The following VRTN variants were observed in gnomAD, a reference collection of about 807,000 sequenced individuals.
VRTN encodes the protein vertebrae development associated.
VRTN carries 5 observed loss-of-function variants against 18.2 expected under a neutral mutation model. The ratio of observed to expected loss-of-function variants is 0.27; its 90% CI spans 0.14 to 0.58. The LOEUF is 0.58. Among genes scored for constraint, VRTN ranks in the 20% least tolerant of loss-of-function variants. VRTN has a pLI of 0.91. For missense variants in VRTN, 741 were observed against 939.4 expected, an observed-to-expected ratio of 0.79 and a Z score of 2.76; for synonymous variants, 381 against 393.7, an observed-to-expected ratio of 0.97 and a Z score of 0.38.
intron 1 of VRTN, among the ~76,000 whole-genome samples, chr14:74,318,032 T>C (rs985991232): frequency 1.7e-4 from 26 of 152,068 alleles, no homozygotes; most frequent in Non-Finnish European, 2.6e-4. Context: ...GGCAAGAGGA[T>C]TGCTTGAGCC....
intron 1 of VRTN, among the ~76,000 whole-genome samples, chr14:74,334,488 C>G (rs1261967478): frequency 6.6e-6 from 1 of 152,116 alleles, no homozygotes; most frequent in South Asian, 2.1e-4. Flanking sequence ...TGAGATTGCA[C>G]CACTGCACTC....
chr14:74,358,928 C>T lies in VRTN; in HGVS notation c.*36C>T. The T allele has an allele frequency of 6.3e-7, 1 of 1,575,520 alleles. No homozygotes were observed. Among genetic ancestry groups the T allele is most frequent in the Non-Finnish European group, 8.6e-7 (1 of 1,160,158 alleles). On this transcript the variant is annotated 3_prime_UTR_variant, in exon 2 of 2. Transcript: ENST00000256362. The surrounding 1 kb of genome is among the most constrained non-coding windows in gnomAD (Gnocchi z 5.4). ...CAAAAGGGGCTGGGAAGAAGGGGGA[C>T]CAGTTTGGAGAGGGTCAGGGACCTG...
At chr14:74,339,243 TG>T (rs2085584882) in intron 2 of VRTN, among the ~76,000 whole-genome samples, 1 of 152,142 alleles carries the variant, frequency 6.6e-6, no homozygotes. Context: ...ATCATTTCAT[TG>T]GCCCTGTAAA....
chr14:74,304,985 C>T lies in VRTN; in HGVS notation c.-164+1809C>T, dbSNP rs992639887. On this transcript the variant is annotated intron_variant, in intron 1 of 2. Coordinates refer to the VRTN transcript ENST00000557177. ...CTCAAAAATGTCCTAGTTTGGTATT[C>T]GGTGGCATTACTGTCCCAGGGTGCC... 7.2e-5 allele frequency among the ~76,000 whole-genome samples: 11 copies of T among 152,068 alleles called. No individual in the cohort carries two copies. The East Asian group carries it at 1.2e-3, about 16-fold the overall frequency.
At chr14:74,322,510 G>A (rs889299365) in intron 1 of VRTN, among the ~76,000 whole-genome samples, 17 of 151,946 alleles carry the variant, frequency 1.1e-4, no homozygotes, top group African/African-American at 2.9e-4. Context: ...ATCTATTATC[G>A]TTTGTTCTCC....
At chr14:74,325,159 C>G (rs1313403978) in intron 1 of VRTN, among the ~76,000 whole-genome samples, 3 of 151,976 alleles carry the variant, frequency 2.0e-5, no homozygotes, top group Non-Finnish European at 4.4e-5. Flanking sequence ...GTGCACTGGT[C>G]AAGGCAAGGG....
At chr14:74,351,150 C>T (rs1250935712) in intron 1 of VRTN, among the ~76,000 whole-genome samples, 1 of 152,176 alleles carries the variant, frequency 6.6e-6, no homozygotes, top group Non-Finnish European at 1.5e-5. Context: ...AACCCAACGT[C>T]TTGCTTGTTG....
intron 1 of VRTN, among the ~76,000 whole-genome samples, chr14:74,336,732 C>T (rs1258980488): frequency 6.6e-6 from 1 of 152,058 alleles, no homozygotes; most frequent in Non-Finnish European, 1.5e-5. Context: ...GAGATCGTGC[C>T]ATTGCACTCC....
intron 1 of VRTN, among the ~76,000 whole-genome samples, chr14:74,332,210 A>C (rs1277538048): frequency 2.0e-5 from 3 of 151,960 alleles, no homozygotes; most frequent in African/African-American, 7.3e-5. Context: ...ACTCACTCCC[A>C]ATCCCAAAGC....
At chr14:74,305,070 G>A (rs1201562137) in intron 1 of VRTN, among the ~76,000 whole-genome samples, 1 of 152,020 alleles carries the variant, frequency 6.6e-6, no homozygotes, top group African/African-American at 2.4e-5. Context: ...GGTGGCTCAC[G>A]CCTGTAATCC....
At chr14:74,351,622 C>G (rs529356696) in intron 1 of VRTN, among the ~76,000 whole-genome samples, 2 of 150,004 alleles carry the variant, frequency 1.3e-5, no homozygotes, top group South Asian at 4.3e-4. Flanking sequence ...GCTGGGACTA[C>G]AGGCACATGC....
chr14:74,330,658 C>T (rs2085515864), intron 1 of VRTN, among the ~76,000 whole-genome samples: 1 of 151,706 alleles, frequency 6.6e-6, no homozygotes, highest in South Asian at 2.1e-4. Context: ...TCAGGCTGGT[C>T]TTGAACTCCT....
intron 1 of VRTN, among the ~76,000 whole-genome samples, chr14:74,322,811 T>C (rs979332894): frequency 1.3e-5 from 2 of 152,118 alleles, no homozygotes; most frequent in Non-Finnish European, 2.9e-5. Context: ...GTCAGGAGTT[T>C]TATGGATGGA....
intron 1 of VRTN, among the ~76,000 whole-genome samples, chr14:74,311,411 G>A (rs2085387835): frequency 6.6e-6 from 1 of 150,866 alleles, no homozygotes; most frequent in South Asian, 2.1e-4. Flanking sequence ...CTGCCTTGCA[G>A]CTTGCATTTT....
At chr14:74,308,731 C>T (rs2085370233) in intron 1 of VRTN, among the ~76,000 whole-genome samples, 1 of 152,022 alleles carries the variant, frequency 6.6e-6, no homozygotes, top group Non-Finnish European at 1.5e-5. Context: ...GGCCAAGCTA[C>T]TCTCGAACTC....
chr14:74,341,989 T>C (rs917898164), intron 2 of VRTN, among the ~76,000 whole-genome samples: 2 of 152,086 alleles, frequency 1.3e-5, no homozygotes, highest in Non-Finnish European at 2.9e-5. Flanking sequence ...ACCAGGCCCT[T>C]AATTTTGTGA....
intron 2 of VRTN, among the ~76,000 whole-genome samples, chr14:74,342,640 C>T (rs540243984): frequency 2.0e-5 from 3 of 146,976 alleles, no homozygotes; most frequent in Admixed American, 1.4e-4. Flanking sequence ...ACACAAATGG[C>T]TTTTTTTTTT....
chr14:74,335,342 G>A (rs976602982), intron 1 of VRTN, among the ~76,000 whole-genome samples: 12 of 152,128 alleles, frequency 7.9e-5, no homozygotes, highest in African/African-American at 2.7e-4. Context: ...CCCTCAGTGG[G>A]GATCCAAAGC....
At chr14:74,331,542 TTTTATATATATATATATATATATA>T (rs1282419226) in intron 1 of VRTN, among the ~76,000 whole-genome samples, 732 of 64,922 alleles carry the variant, frequency 0.011, 17 homozygotes, top group Middle Eastern at 0.037. Flanking sequence ...AAAAAAAAAA[TTTTATATATATATATATATATATA>T]TATATATATA....
Sources: gnomAD v4.1 joint callset for allele counts (sites outside exome capture counted in the v4.1 genomes callset) on GRCh38, gnomAD v4.1.1 for gene constraint, Gnocchi (gnomAD v3.1) non-coding constraint, MANE v1.5 for transcripts, NCBI Gene and HGNC (gene_info 2026-07-23, HGNC 2026-07-21) for gene names.